Variants in FAM53B observed in about 807,000 individuals in gnomAD.
FAM53B encodes protein FAM53B.
In FAM53B, 12 loss-of-function variants were observed where a neutral mutation model predicts 32.7. That is an observed-to-expected ratio of 0.37 (90% CI 0.24 to 0.59). The LOEUF is 0.59. Ranked by LOEUF, FAM53B falls within the 20% of genes least tolerant of loss-of-function variation. The probability of loss-of-function intolerance (pLI) is 0.72; values close to 1 mark genes in which losing one functional copy is unlikely to be tolerated. For missense variants in FAM53B, 477 were observed against 577.7 expected (o/e 0.83, Z 1.79); for synonymous variants, 234 against 228.7 (o/e 1.02, Z -0.21).
intron 2 of FAM53B, 148 bp downstream of exon 2, chr10:124,706,488 G>A (rs147846193): frequency 7.8e-6 from 7 of 897,708 alleles, no homozygotes; most frequent in Middle Eastern, 2.2e-4. Context: ...CCTGTGCCCT[G>A]TTGCCCCAGC....
chr10:124,671,697 C>A (rs965966238), intron 4 of FAM53B, among the ~76,000 whole-genome samples: 13 of 152,110 alleles, frequency 8.5e-5, no homozygotes, highest in African/African-American at 2.2e-4. Context: ...TGTGAGCTCG[C>A]GTTACTGCTC....
At chr10:124,650,666 G>C (rs1024242764) in intron 4 of FAM53B, among the ~76,000 whole-genome samples, 1 of 152,120 alleles carries the variant, frequency 6.6e-6, no homozygotes. Flanking sequence ...CTCCAGAGGC[G>C]CTGTTTTCTT....
chr10:124,706,330 C>G lies in FAM53B; in HGVS notation c.78+306G>C, dbSNP rs1264176545. Among the ~76,000 whole-genome samples, 4 of 152,324 alleles carry G rather than the reference C, an allele frequency of 2.6e-5. No individual in the cohort carries two copies. In the East Asian group the frequency reaches 5.8e-4, roughly 22 times the overall value. Reference sequence around the variant, plus strand: ...ACCACCCCCCCTTAATGGGTGGAGACAGAAGGAATGTCAATCCTGGCTTGG... The same window carrying G: ...ACCACCCCCCCTTAATGGGTGGAGAGAGAAGGAATGTCAATCCTGGCTTGG... On this transcript the variant is annotated intron_variant, in intron 2 of 4. Transcript: ENST00000337318.
At chr10:124,626,428 G>T (rs938355208) in intron 4 of FAM53B, among the ~76,000 whole-genome samples, 4 of 150,624 alleles carry the variant, frequency 2.7e-5, no homozygotes, top group African/African-American at 7.3e-5. Context: ...AAAAGGTGGG[G>T]CCTCTGGGAG....
Position 124,696,135 on chromosome 10 carries a change from C to T in FAM53B, c.133+23G>A, listed in dbSNP as rs777570465. 8 of 1,607,818 alleles carry T rather than the reference C, an allele frequency of 5.0e-6. 1 individual carries two copies. The South Asian group carries it at 8.8e-5, about 18-fold the overall frequency. ...GCTGGAAGGACTAGGAGGACAGCTT[C>T]CAGGATGGCCTTGAGTACTTACCCA... is the stretch of plus-strand genomic sequence containing the variant. On this transcript the variant is annotated intron_variant, in intron 3 of 4. Transcript: ENST00000337318.
At chr10:124,677,287 T>C (rs1338302541) in intron 4 of FAM53B, among the ~76,000 whole-genome samples, 1 of 152,194 alleles carries the variant, frequency 6.6e-6, no homozygotes, top group Non-Finnish European at 1.5e-5. Context: ...GTCCTGCTAA[T>C]AAACAACTCA....
At chr10:124,698,980 C>T (rs1213861518) in intron 2 of FAM53B, among the ~76,000 whole-genome samples, 1 of 152,218 alleles carries the variant, frequency 6.6e-6, no homozygotes, top group Admixed American at 6.5e-5. Flanking sequence ...GGGGCCAGGC[C>T]AGTCACTACC....
At chr10:124,735,191 G>A (rs1047209851) in intron 1 of FAM53B, among the ~76,000 whole-genome samples, 1 of 152,154 alleles carries the variant, frequency 6.6e-6, no homozygotes. Flanking sequence ...CCAGAAGGTG[G>A]TAAGTGGGCC....
chr10:124,743,596 C>G (rs1000689234), intron 1 of FAM53B, among the ~76,000 whole-genome samples: 1 of 152,210 alleles, frequency 6.6e-6, no homozygotes, highest in Non-Finnish European at 1.5e-5. Flanking sequence ...TGGGGCCGCC[C>G]GGCTCCCGAG....
chr10:124,710,757 C>A (rs60209031), intron 1 of FAM53B, among the ~76,000 whole-genome samples: 1 of 152,196 alleles, frequency 6.6e-6, no homozygotes, highest in Non-Finnish European at 1.5e-5. Flanking sequence ...AGGTACCAGG[C>A]GCTTTACACA....
At chr10:124,710,981 G>C (rs79658865) in intron 1 of FAM53B, among the ~76,000 whole-genome samples, 7,658 of 152,212 alleles carry the variant, frequency 0.05, 632 homozygotes, top group African/African-American at 0.17. Flanking sequence ...ATTTATTCCA[G>C]AGAGATTAAG....
chr10:124,697,703 G>A (rs528518689), intron 2 of FAM53B, among the ~76,000 whole-genome samples: 1 of 152,220 alleles, frequency 6.6e-6, no homozygotes, highest in East Asian at 1.9e-4. Flanking sequence ...AGCCTCCTGG[G>A]GGGGATGCTT....
chr10:124,655,895 G>A (rs1008630293), intron 4 of FAM53B, among the ~76,000 whole-genome samples: 34 of 152,322 alleles, frequency 2.2e-4, no homozygotes, highest in Admixed American at 4.6e-4. Context: ...CTGCCAGAGA[G>A]AAGGGCCCAT....
chr10:124,708,300 T>G (rs2134086958), intron 1 of FAM53B, among the ~76,000 whole-genome samples: 1 of 152,346 alleles, frequency 6.6e-6, no homozygotes, highest in African/African-American at 2.4e-5. Flanking sequence ...ACAGTGGGTG[T>G]TACTGAAATT....
intron 3 of FAM53B, among the ~76,000 whole-genome samples, chr10:124,683,916 G>A (rs1949787767): frequency 6.6e-6 from 1 of 152,246 alleles, no homozygotes; most frequent in Non-Finnish European, 1.5e-5. Flanking sequence ...GTCACAAGCA[G>A]CAGCTACTTG....
At chr10:124,638,210 A>G (rs1290160478) in intron 4 of FAM53B, among the ~76,000 whole-genome samples, 4 of 152,078 alleles carry the variant, frequency 2.6e-5, no homozygotes, top group Admixed American at 2.0e-4. Context: ...TCTACAAAAA[A>G]CACAAAAAAA....
At chr10:124,734,626 G>A (rs937561965) in intron 1 of FAM53B, among the ~76,000 whole-genome samples, 1 of 152,198 alleles carries the variant, frequency 6.6e-6, no homozygotes, top group Admixed American at 6.5e-5. Flanking sequence ...ACGCTCTAGG[G>A]CCAGCACCAG....
chr10:124,696,349 G>T, intron 2 of FAM53B, 137 bp from the exon 3 acceptor site: 2 of 774,522 alleles, frequency 2.6e-6, no homozygotes, highest in Admixed American at 2.3e-5. Flanking sequence ...AGGAGGAAAA[G>T]GTATTCAAAG....
rs550213905 is a variant in FAM53B at position 124,625,809 on chromosome 10, G to C, written c.907-2205C>G. ...CCAGCCTGGGTGGCCTCAGCCGTGT[G>C]TCCCGGGCTCTGCTGAGCCAGGCTG... On this transcript the variant is annotated intron_variant, in intron 4 of 4. Transcript: ENST00000337318. Among the ~76,000 whole-genome samples, 12 of 152,344 alleles carry C rather than the reference G, an allele frequency of 7.9e-5. 1 individual carries two copies. In the South Asian group the frequency reaches 2.5e-3, roughly 32 times the overall value.
Sources: gnomAD v4.1 joint callset for allele counts (sites outside exome capture counted in the v4.1 genomes callset) on GRCh38, gnomAD v4.1.1 for gene constraint, MANE v1.5 for transcripts, NCBI Gene and HGNC (gene_info 2026-07-23, HGNC 2026-07-21) for gene names.